The following DMD variants were observed in gnomAD, a reference collection of about 807,000 sequenced individuals.
DMD encodes dystrophin.
In DMD, 63 loss-of-function variants were observed where a neutral mutation model predicts 330.1. The observed-to-expected ratio is 0.19, with a 90% CI of 0.16 to 0.24. The LOEUF (loss-of-function observed/expected upper bound fraction) is 0.24. DMD is among the 10% of genes least tolerant of loss of function. The pLI is 1.00. For synonymous variants in DMD, 1,223 were observed against 959.8 expected, an observed-to-expected ratio of 1.27 and a Z score of -5.07; for missense variants, 3,344 against 2,684.1, an observed-to-expected ratio of 1.25 and a Z score of -5.43.
At chrX:32,732,431 G>C (rs1471560762) in intron 7 of DMD, among the ~76,000 whole-genome samples, 1 of 110,105 alleles carries the variant, frequency 9.1e-6, no homozygotes, top group East Asian at 2.8e-4. Context: ...GATACTCCTC[G>C]AGAAGAGCAA....
intron 2 of DMD, among the ~76,000 whole-genome samples, chrX:32,946,938 A>G (rs2090859749): frequency 8.9e-6 from 1 of 112,250 alleles, no homozygotes; most frequent in South Asian, 3.6e-4. Context: ...GATGTTCTAA[A>G]TATCAGCAAA....
At chrX:32,907,227 T>C (rs897897299) in intron 2 of DMD, among the ~76,000 whole-genome samples, 3 of 112,220 alleles carry the variant, frequency 2.7e-5, no homozygotes, top group African/African-American at 9.7e-5. Flanking sequence ...ATGAAACTAC[T>C]TCAAAATGCT....
At chrX:32,891,825 A>G (rs990424905) in intron 2 of DMD, among the ~76,000 whole-genome samples, 3 of 111,756 alleles carry the variant, frequency 2.7e-5, no homozygotes, top group African/African-American at 9.8e-5. Context: ...CCCTACACCT[A>G]GTAGTTGCTG....
At chrX:31,254,877 C>G (rs2049766753) in intron 63 of DMD, among the ~76,000 whole-genome samples, 1 of 108,555 alleles carries the variant, frequency 9.2e-6, no homozygotes, top group African/African-American at 3.4e-5. Context: ...TCCATCTCTA[C>G]AAAAAATTTA....
chrX:32,468,719 C>T lies in DMD; in HGVS notation c.2950-9G>A, dbSNP rs772822759. On this transcript the variant is annotated splice_polypyrimidine_tract_variant and intron_variant, in intron 22 of 78. Coordinates refer to ENST00000357033, the MANE Select transcript of DMD (RefSeq NM_004006.3). ...AGAGAACTTTGTAAAGCCTAAAAAA[C>T]AATTTTTTAAATACATTTACCCTAA... The T allele has an allele frequency of 5.1e-6, 6 of 1,186,933 alleles. No homozygotes were observed. In the East Asian group the frequency reaches 1.5e-4, roughly 30 times the overall value.
intron 12 of DMD, among the ~76,000 whole-genome samples, chrX:32,599,659 A>G (rs2055964210): frequency 8.9e-6 from 1 of 111,860 alleles, no homozygotes; most frequent in Admixed American, 9.5e-5. Context: ...ATACCTTCAA[A>G]TTAAAATATT....
chrX:31,887,850 C>A (rs1229867694), intron 47 of DMD, among the ~76,000 whole-genome samples: 1 of 112,391 alleles, frequency 8.9e-6, no homozygotes, highest in Non-Finnish European at 1.9e-5. Context: ...CCGTTAGTAA[C>A]TTTTCTTACA....
chrX:32,290,941 G>A (rs2097464759), intron 42 of DMD, among the ~76,000 whole-genome samples: 1 of 111,974 alleles, frequency 8.9e-6, no homozygotes, highest in Admixed American at 9.5e-5. Context: ...ATAGGCTCAG[G>A]AAAGAATTCA....
intron 1 of DMD, among the ~76,000 whole-genome samples, chrX:33,310,305 G>A (rs960394801): frequency 9.0e-5 from 10 of 110,752 alleles, no homozygotes; most frequent in Admixed American, 4.8e-4. Context: ...TAAGTACAAA[G>A]GTTTAATTGC....
intron 2 of DMD, among the ~76,000 whole-genome samples, chrX:32,969,027 C>CCAAAAAAAAAAAAAAAAAAAAA (rs2092280100): frequency 5.0e-5 from 1 of 19,813 alleles, no homozygotes; most frequent in African/African-American, 1.6e-4. Flanking sequence ...GATTCTGTCT[C>CCAAAAAAAAAAAAAAAAAAAAA]AAAAAAAAAA....
At chrX:32,889,355 A>G (rs955884475) in intron 2 of DMD, among the ~76,000 whole-genome samples, 4 of 110,805 alleles carry the variant, frequency 3.6e-5, no homozygotes, top group Non-Finnish European at 7.6e-5. Flanking sequence ...GACCGTACAG[A>G]GATATGAAAG....
At chrX:32,336,155 C>CTG (rs199730386) in intron 41 of DMD, among the ~76,000 whole-genome samples, 2,839 of 108,778 alleles carry the variant, frequency 0.026, 100 homozygotes, top group African/African-American at 0.09. Context: ...AACATGTTAT[C>CTG]TGTGTGTGTA....
At position 32,996,161 on chromosome X, in the gene DMD, A is replaced by C. The variant is rs1214070521; in HGVS notation, c.93+23978T>G. Among the ~76,000 whole-genome samples the C allele has an allele frequency of 8.0e-5, 9 of 111,887 alleles. No individual in the cohort carries two copies. The Admixed American group carries it at 8.6e-4, about 11-fold the overall frequency. The stretch of plus-strand genomic sequence containing the variant: ...TACCCACACTGATTTAAGCAAAGAC[A>C]AAGTATCATTTTGACGATTAAATAA... On this transcript the variant is annotated intron_variant, in intron 2 of 78. Transcript: ENST00000357033.
At chrX:32,760,120 C>A (rs1378579423) in intron 7 of DMD, among the ~76,000 whole-genome samples, 1 of 111,610 alleles carries the variant, frequency 9.0e-6, no homozygotes, top group Non-Finnish European at 1.9e-5. Flanking sequence ...ACAAAAATCC[C>A]CCCAACTATT....
At chrX:31,397,686 C>T (rs766279398) in intron 60 of DMD, among the ~76,000 whole-genome samples, 16 of 112,209 alleles carry the variant, frequency 1.4e-4, no homozygotes, top group Middle Eastern at 4.6e-3. Flanking sequence ...GGAGAGAAAG[C>T]GAACAGGAGG....
chrX:32,013,780 A>T (rs934659995), intron 44 of DMD, among the ~76,000 whole-genome samples: 10 of 112,417 alleles, frequency 8.9e-5, no homozygotes, highest in Admixed American at 4.7e-4. Context: ...TAACTTATTT[A>T]CATAATCTGA....
intron 47 of DMD, among the ~76,000 whole-genome samples, chrX:31,901,202 G>A (rs1287198396): frequency 1.8e-5 from 2 of 111,632 alleles, no homozygotes; most frequent in African/African-American, 3.3e-5. Context: ...CACAACCACC[G>A]CCCTTACTCA....
intron 44 of DMD, among the ~76,000 whole-genome samples, chrX:31,973,254 T>G: frequency 9.7e-6 from 1 of 102,896 alleles, no homozygotes; most frequent in East Asian, 3.1e-4. Flanking sequence ...ATTGGGGAAA[T>G]CTAGCAGTTA....
At chrX:32,059,833 AG>A (rs1295301516) in intron 44 of DMD, among the ~76,000 whole-genome samples, 1 of 111,530 alleles carries the variant, frequency 9.0e-6, no homozygotes, top group Non-Finnish European at 1.9e-5. Context: ...CTGATGTTTT[AG>A]TTTTTTAAAG....
Sources: allele counts gnomAD v4.1 joint callset (sites outside exome capture counted in the v4.1 genomes callset), GRCh38; gene constraint gnomAD v4.1.1; transcripts MANE v1.5; gene names NCBI Gene and HGNC (gene_info 2026-07-23, HGNC 2026-07-21).